COL5A1: variants seen among roughly 807,000 people sequenced by gnomAD.
The protein encoded by COL5A1 is collagen type V alpha 1 chain, also known as collagen alpha-1(V) chain.
In COL5A1, 16 loss-of-function variants were observed where a neutral mutation model predicts 263.7. The ratio of observed to expected loss-of-function variants is 0.06; its 90% CI spans 0.04 to 0.09. The LOEUF is 0.09. Among genes scored for constraint, COL5A1 ranks in the 10% least tolerant of loss-of-function variants. The probability of loss-of-function intolerance (pLI) is 1.00; values close to 1 mark genes in which losing one functional copy is unlikely to be tolerated. For missense variants in COL5A1, 2,036 were observed against 2,540.5 expected, an observed-to-expected ratio of 0.80 and a Z score of 4.27; for synonymous variants, 1,012 against 1,004.5, an observed-to-expected ratio of 1.01 and a Z score of -0.14.
chr9:134,730,157 G>A (rs931153498), intron 6 of COL5A1, 79 bp from the exon 7 acceptor site: 44 of 1,588,350 alleles, frequency 2.8e-5, no homozygotes, highest in South Asian at 3.3e-5. Flanking sequence ...GCCTGCACCC[G>A]GACATGCGGC....
chr9:134,798,840 C>T (rs1838010539), intron 37 of COL5A1, among the ~76,000 whole-genome samples: 1 of 152,242 alleles, frequency 6.6e-6, no homozygotes. Context: ...GAGTGCTACC[C>T]CGCTTGAGGG....
chr9:134,688,941 C>A (rs1833173061), intron 1 of COL5A1, among the ~76,000 whole-genome samples: 1 of 152,102 alleles, frequency 6.6e-6, no homozygotes, highest in South Asian at 2.1e-4. Context: ...GAGCCCTGCC[C>A]AGGCTGCTGT....
intron 49 of COL5A1, among the ~76,000 whole-genome samples, chr9:134,814,237 TAGCTAC>T (rs923308625): frequency 1.3e-5 from 2 of 152,196 alleles, no homozygotes; most frequent in African/African-American, 4.8e-5. Flanking sequence ...GACCTAGCAA[TAGCTAC>T]CTGTGCCCAG....
At chr9:134,673,850 A>G (rs886289022) in intron 1 of COL5A1, among the ~76,000 whole-genome samples, 1 of 152,258 alleles carries the variant, frequency 6.6e-6, no homozygotes, top group Non-Finnish European at 1.5e-5. Flanking sequence ...TGCATAAAAC[A>G]TGGTCACAAC....
At chr9:134,813,872 G>T in intron 48 of COL5A1, 111 bp from the exon 49 acceptor site, 1 of 1,207,794 alleles carries the variant, frequency 8.3e-7, no homozygotes. Context: ...TGGGTCCTGG[G>T]TGCCCAGGGG....
intron 26 of COL5A1, among the ~76,000 whole-genome samples, chr9:134,773,567 G>T (rs575658512): frequency 6.6e-6 from 1 of 152,338 alleles, no homozygotes; most frequent in African/African-American, 2.4e-5. Context: ...CTGCTCCAGG[G>T]TTCCAGAGGC....
intron 1 of COL5A1, among the ~76,000 whole-genome samples, chr9:134,690,551 C>T (rs1833242717): frequency 6.6e-6 from 1 of 152,148 alleles, no homozygotes; most frequent in Non-Finnish European, 1.5e-5. Context: ...GGTGTGTGGC[C>T]CCTGCCAGCC....
intron 1 of COL5A1, among the ~76,000 whole-genome samples, chr9:134,679,224 G>A (rs1832762335): frequency 2.6e-5 from 4 of 152,080 alleles, no homozygotes; most frequent in African/African-American, 4.8e-5. Flanking sequence ...GTCCCTCCCC[G>A]ATCTGTCCCC....
chr9:134,746,974 G>A (rs1014165176), intron 11 of COL5A1, among the ~76,000 whole-genome samples: 6 of 152,192 alleles, frequency 3.9e-5, no homozygotes, highest in East Asian at 1.9e-4. Context: ...AGGTGTAGCC[G>A]TGTCTTTCAG....
At chr9:134,760,157 G>T (rs1165328698) in intron 18 of COL5A1, among the ~76,000 whole-genome samples, 3 of 83,108 alleles carry the variant, frequency 3.6e-5, no homozygotes, top group African/African-American at 1.4e-4. Flanking sequence ...CACCACACAT[G>T]CACACACATA....
At chr9:134,660,298 A>G (rs1451125706) in intron 1 of COL5A1, among the ~76,000 whole-genome samples, 3 of 152,244 alleles carry the variant, frequency 2.0e-5, no homozygotes, top group African/African-American at 7.2e-5. Flanking sequence ...AAAATGGACC[A>G]TGAGTCCTAA....
At position 134,678,874 on chromosome 9, in the gene COL5A1, G is replaced by A. The variant is rs1832752826; in HGVS notation, c.110-12038G>A. On this transcript the variant is annotated intron_variant, in intron 1 of 65. Transcript: ENST00000371817. This position sits in a 1 kb window ranked among gnomAD's most constrained non-coding sequence, Gnocchi z 5.5. ...GGCAGAGCCTGGGAAGAGGGAGCAG[G>A]GATCAGGCTGGTTGGTGTTACCCCC... Among the ~76,000 whole-genome samples the A allele has an allele frequency of 1.3e-5, 2 of 152,224 alleles. No individual in the cohort carries two copies. The highest frequency in any genetic ancestry group is 4.8e-5 in the African/African-American group (2 of 41,456).
At chr9:134,800,559 A>T (rs1310014273) in intron 37 of COL5A1, among the ~76,000 whole-genome samples, 7 of 152,132 alleles carry the variant, frequency 4.6e-5, no homozygotes. Flanking sequence ...AGCCCGGCCA[A>T]CATGGTGAAA....
At chr9:134,782,746 G>T in intron 29 of COL5A1, 26 bp downstream of exon 29, 1 of 1,613,038 alleles carries the variant, frequency 6.2e-7, no homozygotes, top group Non-Finnish European at 8.5e-7. Flanking sequence ...TTGGGATTTG[G>T]GCTGGGGAAA....
chr9:134,687,498 C>T (rs914536071), intron 1 of COL5A1, among the ~76,000 whole-genome samples: 1 of 152,174 alleles, frequency 6.6e-6, no homozygotes, highest in African/African-American at 2.4e-5. Context: ...ATCCATCCAT[C>T]CACCATGTGA....
At position 134,730,122 on chromosome 9, in the gene COL5A1, G is replaced by A; in HGVS notation, c.925-114G>A. ...GGTCTCTGGGCCTCTTGACAGGCCTGGGCTCCAGGCGTTGCCACTGAGATG... is the reference window on the plus strand; with the variant it reads ...GGTCTCTGGGCCTCTTGACAGGCCTAGGCTCCAGGCGTTGCCACTGAGATG... On this transcript the variant is annotated intron_variant, in intron 6 of 65. Transcript: ENST00000371817. 1.3e-5 allele frequency: 19 copies of A among 1,491,244 alleles called. No homozygotes were observed. The South Asian group carries it at 1.7e-4, about 13-fold the overall frequency. 92.4% of individuals were successfully genotyped at this position (1,491,244 alleles called of 1,614,324 possible). A position where few individuals can be genotyped will look rare whatever the true frequency, so the allele number is the denominator to read the frequency against.
At position 134,818,893 on chromosome 9, in the gene COL5A1, G is replaced by A. The variant is rs776108281; in HGVS notation, c.4384G>A (p.Gly1462Ser). Reference protein sequence around the residue: ...PGSPGPDGPPGPMGPPGLPGL... With the variant: ...PGSPGPDGPPSPMGPPGLPGL... ...ATCCCCAGGCCCGGACGGTCCCCCC[G>A]GCCCCATGGTGAGTCACATTCCTCA... The change falls in exon 56 of 66, where the codon GGC (glycine) becomes AGC (serine). Residue 1462 changes from glycine (G) to serine (S), a missense_variant. Coordinates refer to ENST00000371817, the MANE Select transcript of COL5A1 (RefSeq NM_000093.5). This position sits in a 1 kb window ranked among gnomAD's most constrained non-coding sequence, Gnocchi z 6.0. 10 of 1,612,892 alleles carry A rather than the reference G, an allele frequency of 6.2e-6. No individual in the cohort carries two copies. The highest frequency in any genetic ancestry group is 5.3e-5 in the African/African-American group (4 of 74,894).
rs1355316812 is a variant in COL5A1, at chr9:134,686,238, C to G, written c.110-4674C>G. Among the ~76,000 whole-genome samples the G allele has an allele frequency of 3.3e-5, 5 of 152,052 alleles. No homozygotes were observed. Among genetic ancestry groups the G allele is most frequent in the Non-Finnish European group, 7.4e-5 (5 of 68,020 alleles). ...TCCTTCTTCCTTCCTCCTTCTCCTT[C>G]TCCTTTTTCTTCTTCTTTCTCTTCC... is the stretch of plus-strand genomic sequence containing the variant. On this transcript the variant is annotated intron_variant, in intron 1 of 65. Transcript: ENST00000371817. The surrounding 1 kb of genome is among the most constrained non-coding windows in gnomAD (Gnocchi z 4.6).
At chr9:134,705,663 G>T (rs889117380) in intron 4 of COL5A1, among the ~76,000 whole-genome samples, 1 of 152,200 alleles carries the variant, frequency 6.6e-6, no homozygotes, top group Non-Finnish European at 1.5e-5. Flanking sequence ...TCCAAGGGCC[G>T]CAGGGAACCA....
Sources: allele counts gnomAD v4.1 joint callset (sites outside exome capture counted in the v4.1 genomes callset), GRCh38; gene constraint gnomAD v4.1.1; non-coding constraint Gnocchi (gnomAD v3.1); transcripts MANE v1.5; gene names NCBI Gene and HGNC (gene_info 2026-07-23, HGNC 2026-07-21).